FSHR: variants seen among roughly 807,000 people sequenced by gnomAD.
FSHR encodes follicle stimulating hormone receptor, also known as follicle-stimulating hormone receptor.
In FSHR, 46 loss-of-function variants were observed where a neutral mutation model predicts 52.1. The observed-to-expected ratio is 0.88, with a 90% confidence interval of 0.70 to 1.13. FSHR has a LOEUF of 1.13. Among genes scored for constraint, FSHR ranks in the 50% most tolerant of loss-of-function variants. The probability of loss-of-function intolerance (pLI) is 0.00; values close to 1 mark genes in which losing one functional copy is unlikely to be tolerated. For missense variants in FSHR, 964 were observed against 834.6 expected, an observed-to-expected ratio of 1.16 and a Z score of -1.91; for synonymous variants, 399 against 309.6, an observed-to-expected ratio of 1.29 and a Z score of -3.03.
At chr2:49,031,263 C>T (rs533422328) in intron 2 of FSHR, among the ~76,000 whole-genome samples, 1 of 152,284 alleles carries the variant, frequency 6.6e-6, no homozygotes, top group East Asian at 1.9e-4. Flanking sequence ...CTCTGTACCC[C>T]TATTGATGTG....
At chr2:49,087,377 T>G (rs1399367013) in intron 1 of FSHR, among the ~76,000 whole-genome samples, 1 of 151,982 alleles carries the variant, frequency 6.6e-6, no homozygotes, top group Non-Finnish European at 1.5e-5. Context: ...GAGTCCAAGA[T>G]GAAGAATCAG....
intron 2 of FSHR, among the ~76,000 whole-genome samples, chr2:49,048,102 T>A (rs1668723278): frequency 6.6e-6 from 1 of 152,084 alleles, no homozygotes. Context: ...GCCAGGCTGG[T>A]CTCAAACTCC....
chr2:48,997,148 G>C (rs1676059502), intron 4 of FSHR: 1 of 884,456 alleles, frequency 1.1e-6, no homozygotes. Context: ...GGTCTCTCTA[G>C]CTTCTGGATA....
chr2:49,075,909 G>A (rs1358803845), intron 1 of FSHR, among the ~76,000 whole-genome samples: 2 of 151,940 alleles, frequency 1.3e-5, no homozygotes, highest in African/African-American at 4.8e-5. Flanking sequence ...CAAAGTGCTG[G>A]GATTACAGGC....
intron 2 of FSHR, among the ~76,000 whole-genome samples, chr2:49,053,112 A>G (rs1253392889): frequency 6.6e-6 from 1 of 152,124 alleles, no homozygotes; most frequent in East Asian, 1.9e-4. Flanking sequence ...CAAATAAATC[A>G]CTTGATTATA....
chr2:49,023,235 A>T (rs1032661594), intron 2 of FSHR, among the ~76,000 whole-genome samples: 2 of 152,196 alleles, frequency 1.3e-5, no homozygotes, highest in African/African-American at 4.8e-5. Context: ...AGCTGAAGCA[A>T]TCACAACCAT....
rs147581776 is a variant in FSHR, at chr2:49,132,819, G to T, written c.152+21447C>A. ...TGTGGAATTGACTTCCAGCATGACA[G>T]TTTAAGGAGCTCTGCTGTCCTGTTC... On this transcript the variant is annotated intron_variant, in intron 1 of 9. Coordinates refer to ENST00000406846, the MANE Select transcript of FSHR (RefSeq NM_000145.4). Among the ~76,000 whole-genome samples the T allele has an allele frequency of 2.9e-4, 44 of 152,100 alleles. 1 individual carries two copies. The highest frequency in any genetic ancestry group is 9.6e-4 in the African/African-American group (40 of 41,484).
intron 1 of FSHR, among the ~76,000 whole-genome samples, chr2:49,135,261 A>G (rs940469882): frequency 3.3e-5 from 5 of 152,156 alleles, no homozygotes; most frequent in Admixed American, 3.3e-4. Flanking sequence ...GAAATAATAC[A>G]AAGTATGTGT....
chr2:48,973,136 T>G (rs962830933), intron 8 of FSHR, among the ~76,000 whole-genome samples: 2 of 152,202 alleles, frequency 1.3e-5, no homozygotes, highest in Admixed American at 1.3e-4. Context: ...TAACAGAGTC[T>G]TCAGCTGCCA....
intron 1 of FSHR, among the ~76,000 whole-genome samples, chr2:49,118,253 G>C (rs529410847): frequency 8.5e-4 from 130 of 152,106 alleles, no homozygotes; most frequent in Non-Finnish European, 7.4e-4. Context: ...GAGCAAGGAG[G>C]GGGAGGGAGC....
intron 8 of FSHR, among the ~76,000 whole-genome samples, chr2:48,973,147 T>C (rs1467821037): frequency 6.6e-6 from 1 of 152,156 alleles, no homozygotes; most frequent in African/African-American, 2.4e-5. Context: ...TCAGCTGCCA[T>C]GAAAGATCTC....
intron 1 of FSHR, among the ~76,000 whole-genome samples, chr2:49,127,882 TCTTC>T (rs1672113786): frequency 4.3e-5 from 2 of 46,628 alleles, no homozygotes; most frequent in African/African-American, 1.6e-4. Context: ...TTCTTCTTCT[TCTTC>T]TTCTTCTTCT....
At chr2:49,004,905 G>A (rs934115209) in intron 4 of FSHR, among the ~76,000 whole-genome samples, 30 of 152,058 alleles carry the variant, frequency 2.0e-4, no homozygotes, top group Non-Finnish European at 4.0e-4. Flanking sequence ...AAATTGCACC[G>A]AATCTGCAAA....
intron 4 of FSHR, among the ~76,000 whole-genome samples, chr2:49,013,496 A>G (rs868542018): frequency 4.5e-5 from 3 of 66,668 alleles, no homozygotes; most frequent in African/African-American, 1.1e-4. Flanking sequence ...ATATATATAT[A>G]TATAAATATA....
rs886140795 is a variant in FSHR at position 48,995,974 on chromosome 2, G to A, written c.375-5337C>T. The stretch of plus-strand genomic sequence containing the variant: ...CCACAGAGTTCATGCTATGGCTTGA[G>A]TAGATCATTGAGATGCTTTAGGCAA... On this transcript the variant is annotated intron_variant, in intron 4 of 9. Transcript: ENST00000406846. 2.6e-5 allele frequency among the ~76,000 whole-genome samples: 4 copies of A among 152,214 alleles called. No homozygotes were observed. In the South Asian group the frequency reaches 6.2e-4, roughly 24 times the overall value.
intron 4 of FSHR, among the ~76,000 whole-genome samples, chr2:49,007,687 A>T (rs1489073758): frequency 1.3e-5 from 2 of 152,136 alleles, no homozygotes; most frequent in African/African-American, 4.8e-5. Flanking sequence ...AAGCAGTTAC[A>T]GAGGCCTTCA....
At chr2:49,039,647 A>G (rs1317358442) in intron 2 of FSHR, among the ~76,000 whole-genome samples, 5 of 152,140 alleles carry the variant, frequency 3.3e-5, no homozygotes, top group Admixed American at 3.3e-4. Flanking sequence ...AATCCTTTCC[A>G]CTTGTCACAG....
intron 1 of FSHR, among the ~76,000 whole-genome samples, chr2:49,077,595 G>C (rs1669996501): frequency 6.6e-6 from 1 of 152,146 alleles, no homozygotes; most frequent in Admixed American, 6.6e-5. Context: ...TATTTCCTCA[G>C]AAATTGGGAT....
At chr2:49,034,638 A>G (rs1668217891) in intron 2 of FSHR, among the ~76,000 whole-genome samples, 1 of 152,226 alleles carries the variant, frequency 6.6e-6, no homozygotes, top group African/African-American at 2.4e-5. Context: ...AGCATTTAAC[A>G]CATAAACACC....
Sources: gnomAD v4.1 joint callset for allele counts (sites outside exome capture counted in the v4.1 genomes callset) on GRCh38, gnomAD v4.1.1 for gene constraint, MANE v1.5 for transcripts, NCBI Gene and HGNC (gene_info 2026-07-23, HGNC 2026-07-21) for gene names.